Variants in IGFN1 observed in about 807,000 individuals in gnomAD.
IGFN1 encodes the protein immunoglobulin-like and fibronectin type III domain-containing protein 1.
Under a neutral mutation model 289.5 loss-of-function variants are expected in IGFN1, and 253 were observed. That is an observed-to-expected ratio of 0.87 (90% confidence interval 0.79 to 0.97). The LOEUF (loss-of-function observed/expected upper bound fraction) is 0.97. Ranked by LOEUF, IGFN1 falls within the 50% of genes least tolerant of loss-of-function variation. The pLI, the probability that IGFN1 is intolerant of heterozygous loss-of-function variation, is 0.00. For missense variants in IGFN1, 4,470 were observed against 4,686.1 expected (o/e 0.95, Z 1.35); for synonymous variants, 1,706 against 1,788.5 (o/e 0.95, Z 1.16).
Position 201,194,150 on chromosome 1 carries a change from C to G in IGFN1, c.8-4C>G. ...CCCATCTCCTTCCCTCCTGCATTCT[C>G]CAGGAAAGCTCCGGAAGTCCCACAT... is the stretch of plus-strand genomic sequence containing the variant. On this transcript the variant is annotated splice_polypyrimidine_tract_variant and splice_region_variant and intron_variant, in intron 2 of 23. Transcript: ENST00000335211. 6.4e-7 allele frequency: 1 copy of G among 1,551,384 alleles called. No homozygotes were observed. Among genetic ancestry groups the G allele is most frequent in the Non-Finnish European group, 8.7e-7 (1 of 1,146,826 alleles).
At position 201,227,040 on chromosome 1, in the gene IGFN1, AAGAATGAC is replaced by A; in HGVS notation, c.10946_10953del (p.Lys3649ThrfsTer13). 6.2e-7 allele frequency: 1 copy of A among 1,613,634 alleles called. No homozygotes were observed. The highest frequency in any genetic ancestry group is 8.5e-7 in the Non-Finnish European group (1 of 1,180,032). The stretch of plus-strand genomic sequence containing the variant: ...GCCCCGGCCCCACGTCACCTGGTTC[AAGAATGAC>A]CGCAGCCTGGAAGGAAACCCCGCGG... On this transcript the variant is annotated frameshift_variant, in exon 23 of 24. Coordinates refer to ENST00000335211, the MANE Select transcript of IGFN1 (RefSeq NM_001164586.2). LOFTEE classifies it high-confidence loss of function.
In IGFN1 at chr1:201,200,414, GC is replaced by G; in HGVS notation, c.633+5del. On this transcript the variant is annotated splice_donor_region_variant and intron_variant, in intron 8 of 23. Transcript: ENST00000335211. Reference sequence around the variant, plus strand: ...AACAGGAGGACAAGATGGCACAGGTGCCTCACCCCATTCCCACCCCTCACTC... The same window carrying G: ...AACAGGAGGACAAGATGGCACAGGTGCTCACCCCATTCCCACCCCTCACTC... 2.6e-6 allele frequency: 4 copies of G among 1,550,824 alleles called. No individual in the cohort carries two copies. The highest frequency in any genetic ancestry group is 3.5e-6 in the Non-Finnish European group (4 of 1,146,390).
At chr1:201,197,184 T>C (rs1666955392) in intron 4 of IGFN1, 34 bp from the exon 5 acceptor site, 1 of 1,323,646 alleles carries the variant, frequency 7.6e-7, no homozygotes, top group Non-Finnish European at 1.1e-6. Flanking sequence ...GGGGATGTGG[T>C]AGCCCTGTTC....
In IGFN1 at chr1:201,209,013, G is replaced by A; in HGVS notation, c.4120G>A (p.Asp1374Asn). The change falls in exon 12 of 24, where the codon GAT becomes AAT. Residue 1374 changes from aspartate to asparagine, a missense_variant. This residue lies in a region of IGFN1 where 2,011 missense variants were observed against 1,953.4 expected (regional missense o/e 1.03). Coordinates refer to ENST00000335211, the MANE Select transcript of IGFN1 (RefSeq NM_001164586.2). ...LKGSREIGSM[D>N]ETDNRKDLGV... ...GGGTTCCAGGGAAATCGGGTCAATG[G>A]ATGAAACAGATAATAGGAAAGATTT... 1 of 1,536,728 alleles carries A rather than the reference G, an allele frequency of 6.5e-7. No individual in the cohort carries two copies. The highest frequency in any genetic ancestry group is 8.7e-7 in the Non-Finnish European group (1 of 1,146,818).
In IGFN1 at chr1:201,207,694, G is replaced by T; in HGVS notation, c.2801G>T (p.Gly934Val). The T allele has an allele frequency of 6.5e-7, 1 of 1,537,106 alleles. No individual in the cohort carries two copies. Among genetic ancestry groups the T allele is most frequent in the Non-Finnish European group, 8.7e-7 (1 of 1,146,886 alleles). ...WNGSGSSRVKGPRGETGYKDG... is the reference protein window; with the variant it reads ...WNGSGSSRVKVPRGETGYKDG... ...GGGTCAGGGAGCTCCAGAGTAAAAG[G>T]ACCCAGAGGTGAGACAGGCTATAAG... Residue 934 changes from glycine (G) to valine (V), a missense_variant, in exon 12 of 24, where the codon GGA (glycine) becomes GTA (valine). Transcript: ENST00000335211.
chr1:201,201,011 T>C (rs189441614), intron 8 of IGFN1, among the ~76,000 whole-genome samples: 1,526 of 152,186 alleles, frequency 0.01, 13 homozygotes, highest in Non-Finnish European at 0.017. Flanking sequence ...TTTTGTATTT[T>C]TAGTAGAGAC....
chr1:201,203,598 G>GC (rs1667254371), intron 9 of IGFN1, 140 bp from the exon 10 acceptor site: 2 of 722,874 alleles, frequency 2.8e-6, no homozygotes, highest in Non-Finnish European at 4.5e-6. Flanking sequence ...CCCCATCCCA[G>GC]CTCCTCTATG....
At chr1:201,221,358 C>A in intron 18 of IGFN1, 86 bp from the exon 19 acceptor site, 1 of 1,052,264 alleles carries the variant, frequency 9.5e-7, no homozygotes, top group Non-Finnish European at 1.3e-6. Context: ...AATTCCCAGT[C>A]TCCCACAAGG....
rs750931401 is a variant in IGFN1, at chr1:201,212,998, G to A, written c.8105G>A (p.Gly2702Asp). ...AGCAAAGGTTCAAGTCCTGGAAGGG[G>A]CAGTTCTGTTGATGCAGAGGACTCA... is the stretch of plus-strand genomic sequence containing the variant. ...LDSKGSSPGR[G>D]SSVDAEDSGI... The change falls in exon 12 of 24, where the codon GGC becomes GAC. Residue 2702 changes from glycine (G) to aspartate (D), a missense_variant. By Grantham distance (94) the Gly-to-Asp change is moderately conservative. Around this residue, in one of 8 missense-constraint regions of IGFN1, gnomAD observed 2,218 missense variants for 2,114.1 expected, o/e 1.05. Coordinates refer to ENST00000335211, the MANE Select transcript of IGFN1 (RefSeq NM_001164586.2). The A allele has an allele frequency of 1.2e-5, 18 of 1,551,476 alleles. No homozygotes were observed. Among genetic ancestry groups the A allele is most frequent in the Non-Finnish European group, 1.5e-5 (17 of 1,146,972 alleles).
In IGFN1 at chr1:201,201,731, A is replaced by G; in HGVS notation, c.646A>G (p.Ile216Val). Residue 216 changes from isoleucine to valine, a missense_variant, in exon 9 of 24, where the codon ATC becomes GTC. This residue lies in a region of IGFN1 where 2,011 missense variants were observed against 1,953.4 expected (regional missense o/e 1.03). Coordinates refer to ENST00000335211, the MANE Select transcript of IGFN1 (RefSeq NM_001164586.2). ...GTCTGCTTTGTAGTACATCAACACC[A>G]TCTCCAGCTTAAGACACATCAGGGT... ...EDKMAQYINT[I>V]SSLRHIRVTK... 1 of 1,540,100 alleles carries G rather than the reference A, an allele frequency of 6.5e-7. No homozygotes were observed. Among genetic ancestry groups the G allele is most frequent in the Non-Finnish European group, 8.8e-7 (1 of 1,136,088 alleles).
chr1:201,197,318 G>C lies in IGFN1; in HGVS notation c.367+1G>C, dbSNP rs1198641573. On this transcript the variant is annotated splice_donor_variant, in intron 5 of 23. Transcript: ENST00000335211. LOFTEE classifies it high-confidence loss of function. The stretch of plus-strand genomic sequence containing the variant: ...TCAGTGAGACTCACTGTCATCGAAG[G>C]TGGGCTTTTCCCTGAGTTTGTCTCA... The C allele has an allele frequency of 6.5e-7, 1 of 1,544,112 alleles. No individual in the cohort carries two copies. The highest frequency in any genetic ancestry group is 1.2e-5 in the South Asian group (1 of 83,946).
At chr1:201,221,879 C>G (rs1025470763) in intron 19 of IGFN1, 133 bp downstream of exon 19, 1 of 718,192 alleles carries the variant, frequency 1.4e-6, no homozygotes, top group Non-Finnish European at 2.3e-6. Flanking sequence ...TTATTGAGCA[C>G]CTACTAGGTG....
intron 1 of IGFN1, among the ~76,000 whole-genome samples, chr1:201,192,660 G>A (rs1405348007): frequency 1.3e-5 from 2 of 152,218 alleles, no homozygotes; most frequent in Non-Finnish European, 2.9e-5. Context: ...TGCAGACCTT[G>A]TGACTGGAAG....
Position 201,213,212 on chromosome 1 carries a change from G to A in IGFN1, c.8319G>A (p.Arg2773=). The change falls in exon 12 of 24, where the codon AGG becomes AGA. Residue 2773 remains arginine, a synonymous_variant. Coordinates refer to ENST00000335211, the MANE Select transcript of IGFN1 (RefSeq NM_001164586.2). ...GCAAGGGACAGAGAGGAGGAAAGAG[G>A]TCCCTCGGGGAGCAGGGGTCCCTGG... ...QRGKGQRGGK[R]SLGEQGSLEA... is the part of the protein sequence containing the mutation. 6.4e-7 allele frequency: 1 copy of A among 1,551,694 alleles called. No homozygotes were observed. Among genetic ancestry groups the A allele is most frequent in the South Asian group, 1.2e-5 (1 of 84,070 alleles).
In IGFN1 at chr1:201,197,221, A is replaced by T. The variant is rs562856799; in HGVS notation, c.271A>T (p.Asn91Tyr). 9.6e-5 allele frequency: 149 copies of T among 1,549,408 alleles called. No homozygotes were observed. Among genetic ancestry groups the T allele is most frequent in the Admixed American group, 2.9e-4 (15 of 50,974 alleles). ...PGSKEHVLQINKLTGEDTDLY... is the reference protein window; with the variant it reads ...PGSKEHVLQIYKLTGEDTDLY... ...TCTGCCCTTGGCCTCTCTGCAGATCAACAAGCTGACAGGCGAGGACACGGA... is the reference window on the plus strand; with the variant it reads ...TCTGCCCTTGGCCTCTCTGCAGATCTACAAGCTGACAGGCGAGGACACGGA... Residue 91 changes from asparagine (N) to tyrosine (Y), a missense_variant, in exon 5 of 24, where the codon AAC (asparagine) becomes TAC (tyrosine). Physicochemically the swap from Asn to Tyr is moderately radical, Grantham distance 143. This residue lies in a region of IGFN1 where 2,011 missense variants were observed against 1,953.4 expected (regional missense o/e 1.03). Transcript: ENST00000335211.
rs547851089 is a variant in IGFN1 at position 201,193,309 on chromosome 1, A to T, written c.7+9A>T. Reference sequence around the variant, plus strand: ...AGGCAGAACTATGGCAGGTAAGAGAAGAACTAATCTCCCCTCCCCAGCCCT... The same window carrying T: ...AGGCAGAACTATGGCAGGTAAGAGATGAACTAATCTCCCCTCCCCAGCCCT... On this transcript the variant is annotated intron_variant, in intron 2 of 23. Coordinates refer to ENST00000335211, the MANE Select transcript of IGFN1 (RefSeq NM_001164586.2). 1.3e-6 allele frequency: 2 copies of T among 1,540,656 alleles called. No individual in the cohort carries two copies. The highest frequency in any genetic ancestry group is 2.4e-5 in the South Asian group (2 of 83,928).
chr1:201,204,988 C>T, intron 10 of IGFN1, 94 bp from the exon 11 acceptor site: 1 of 1,329,588 alleles, frequency 7.5e-7, no homozygotes, highest in Non-Finnish European at 1.0e-6. Flanking sequence ...CTGAGCTGGT[C>T]TAAGCCAGGA....
At position 201,221,760 on chromosome 1, in the gene IGFN1, C is replaced by T. The variant is rs1312989179; in HGVS notation, c.10201+14C>T. On this transcript the variant is annotated intron_variant, in intron 19 of 23. Coordinates refer to ENST00000335211, the MANE Select transcript of IGFN1 (RefSeq NM_001164586.2). ...TGCCTGTTACTGGTGAGTGCTGCCT[C>T]CTTCCCCGACCCCTGAGCCCTGCAG... 1 of 1,560,114 alleles carries T rather than the reference C, an allele frequency of 6.4e-7. No homozygotes were observed. The highest frequency in any genetic ancestry group is 2.3e-5 in the East Asian group (1 of 44,318).
Position 201,212,250 on chromosome 1 carries a change from G to T in IGFN1, c.7357G>T (p.Gly2453Trp). 7.8e-6 allele frequency: 12 copies of T among 1,535,236 alleles called. No homozygotes were observed. The highest frequency in any genetic ancestry group is 1.0e-5 in the Non-Finnish European group (12 of 1,146,152). ...RGTGVLGSQG[G>W]RQTLSDERGS... is the part of the protein sequence containing the mutation. The stretch of plus-strand genomic sequence containing the variant: ...CACAGGGGTGCTGGGGTCTCAGGGA[G>T]GGCGACAGACTCTTTCAGATGAGCG... The change falls in exon 12 of 24, where the codon GGG becomes TGG. Residue 2453 changes from glycine (G) to tryptophan (W), a missense_variant. Gly to Trp is a radical substitution (Grantham distance 184, BLOSUM62 -2). Coordinates refer to ENST00000335211, the MANE Select transcript of IGFN1 (RefSeq NM_001164586.2).
Sources: gnomAD v4.1 joint callset for allele counts (sites outside exome capture counted in the v4.1 genomes callset) on GRCh38, gnomAD v4.1.1 for gene constraint, gnomAD v4.1.1 regional missense constraint, MANE v1.5 for transcripts, NCBI Gene and HGNC (gene_info 2026-07-23, HGNC 2026-07-21) for gene names.